Variants in SLC9C1 observed in about 807,000 individuals in gnomAD.
SLC9C1 encodes the protein solute carrier family 9 member C1, also known as sodium/hydrogen exchanger 10.
SLC9C1 carries 97 observed loss-of-function variants against 140.9 expected under a neutral mutation model. The ratio of observed to expected loss-of-function variants is 0.69; its 90% confidence interval spans 0.58 to 0.82. SLC9C1 has a LOEUF of 0.82. Ranked by LOEUF, SLC9C1 falls within the 40% of genes least tolerant of loss-of-function variation. SLC9C1 has a pLI of 0.00. For missense variants in SLC9C1, 1,340 were observed against 1,389.3 expected, an observed-to-expected ratio of 0.96 and a Z score of 0.56; for synonymous variants, 440 against 442.6, an observed-to-expected ratio of 0.99 and a Z score of 0.07.
Position 112,278,803 on chromosome 3 carries a change from T to C in SLC9C1, c.244A>G (p.Ile82Val), listed in dbSNP as rs745711101. 1.9e-6 allele frequency: 3 copies of C among 1,611,098 alleles called. No individual in the cohort carries two copies. The highest frequency in any genetic ancestry group is 1.3e-5 in the African/African-American group (1 of 74,842). The change falls in exon 4 of 29, where the codon ATA (isoleucine) becomes GTA (valine). Residue 82 changes from isoleucine to valine, a missense_variant. By Grantham distance (29) the Ile-to-Val change is conservative. Transcript: ENST00000305815. ...QWMSPDLFFR[I>V]FTPVVFFTTA... Reference sequence around the variant, plus strand: ...GTAAAGAAAACTACTGGTGTAAATATACGAAAAAATAAGTCTGGACTCATC... The same window carrying C: ...GTAAAGAAAACTACTGGTGTAAATACACGAAAAAATAAGTCTGGACTCATC...
chr3:112,263,207 A>G, intron 9 of SLC9C1, 109 bp from the exon 10 acceptor site: 1 of 887,212 alleles, frequency 1.1e-6, no homozygotes, highest in Admixed American at 3.3e-5. Flanking sequence ...CTCTCAAACA[A>G]ATGAGACATC....
chr3:112,278,215 G>C (rs1319398139), intron 4 of SLC9C1, among the ~76,000 whole-genome samples: 1 of 152,122 alleles, frequency 6.6e-6, no homozygotes, highest in African/African-American at 2.4e-5. Flanking sequence ...TGAAAGAAAC[G>C]TACACCCTAC....
chr3:112,207,809 A>T (rs895102800), intron 16 of SLC9C1, among the ~76,000 whole-genome samples: 1 of 152,084 alleles, frequency 6.6e-6, no homozygotes, highest in African/African-American at 2.4e-5. Flanking sequence ...TACTCTGTGT[A>T]TTCCTCTATC....
intron 3 of SLC9C1, among the ~76,000 whole-genome samples, chr3:112,279,190 C>A (rs1346173398): frequency 6.6e-6 from 1 of 152,170 alleles, no homozygotes; most frequent in Non-Finnish European, 1.5e-5. Context: ...TAGGGAAACA[C>A]TGAGTACCTA....
At chr3:112,178,483 A>G (rs902613284) in intron 23 of SLC9C1, among the ~76,000 whole-genome samples, 15 of 152,176 alleles carry the variant, frequency 9.9e-5, no homozygotes, top group African/African-American at 3.6e-4. Flanking sequence ...ATTTGTCTAC[A>G]GACTCTTCCA....
intron 13 of SLC9C1, among the ~76,000 whole-genome samples, chr3:112,230,847 G>A (rs2078802181): frequency 6.6e-6 from 1 of 152,152 alleles, no homozygotes; most frequent in African/African-American, 2.4e-5. Context: ...CTGTGCTACA[G>A]CATTTCTCTA....
At chr3:112,181,493 A>T (rs2077438042) in intron 21 of SLC9C1, among the ~76,000 whole-genome samples, 1 of 152,238 alleles carries the variant, frequency 6.6e-6, no homozygotes, top group African/African-American at 2.4e-5. Context: ...TGCTCATTCC[A>T]CAAGCACTTA....
At chr3:112,227,150 C>T (rs75955847) in intron 13 of SLC9C1, among the ~76,000 whole-genome samples, 2 of 151,952 alleles carry the variant, frequency 1.3e-5, no homozygotes, top group African/African-American at 4.8e-5. Flanking sequence ...TCCGAATAGA[C>T]CAATGAAGAC....
intron 26 of SLC9C1, among the ~76,000 whole-genome samples, chr3:112,164,909 C>T (rs896530290): frequency 6.6e-6 from 1 of 151,190 alleles, no homozygotes; most frequent in Non-Finnish European, 1.5e-5. Flanking sequence ...TCAGGTACAC[C>T]AATCAGACGT....
chr3:112,181,036 G>A (rs777447932), intron 21 of SLC9C1, among the ~76,000 whole-genome samples: 4 of 152,130 alleles, frequency 2.6e-5, no homozygotes, highest in African/African-American at 9.7e-5. Flanking sequence ...GATTACAGGC[G>A]TGAGCCACCA....
At chr3:112,228,727 A>G (rs1055148724) in intron 13 of SLC9C1, among the ~76,000 whole-genome samples, 6 of 152,126 alleles carry the variant, frequency 3.9e-5, no homozygotes, top group African/African-American at 1.4e-4. Flanking sequence ...AAAATGAGCA[A>G]AGGATCTGAA....
chr3:112,157,300 G>A (rs1218679742), intron 26 of SLC9C1, among the ~76,000 whole-genome samples: 1 of 151,804 alleles, frequency 6.6e-6, no homozygotes, highest in Non-Finnish European at 1.5e-5. Context: ...GTATGTTCTT[G>A]GTGCTTTTGT....
intron 20 of SLC9C1, chr3:112,186,094 C>G: frequency 1.1e-6 from 1 of 885,658 alleles, no homozygotes. Flanking sequence ...AATGAACTTT[C>G]TGTCTTGTTC....
intron 28 of SLC9C1, among the ~76,000 whole-genome samples, chr3:112,141,624 C>T (rs910255634): frequency 6.6e-6 from 1 of 152,136 alleles, no homozygotes; most frequent in Non-Finnish European, 1.5e-5. Context: ...TCAGTTCTGA[C>T]TATAAAAACC....
At chr3:112,270,137 A>T (rs2080032099) in intron 6 of SLC9C1, 60 bp from the exon 7 acceptor site, 2 of 1,418,266 alleles carry the variant, frequency 1.4e-6, no homozygotes, top group African/African-American at 1.5e-5. Flanking sequence ...ATTTTAATTG[A>T]TATTCCTTGT....
chr3:112,202,448 TATG>T (rs760031916), intron 17 of SLC9C1, 49 bp from the exon 18 acceptor site: 1 of 1,514,978 alleles, frequency 6.6e-7, no homozygotes, highest in Non-Finnish European at 8.9e-7. Flanking sequence ...AATATCATTT[TATG>T]ATATGTTGAT....
At chr3:112,229,470 AAAC>A (rs1453058402) in intron 13 of SLC9C1, among the ~76,000 whole-genome samples, 4 of 152,146 alleles carry the variant, frequency 2.6e-5, no homozygotes, top group African/African-American at 9.7e-5. Context: ...ATGTCAATTA[AAAC>A]AACAGCAATA....
chr3:112,254,838 C>T (rs13320785), intron 10 of SLC9C1, among the ~76,000 whole-genome samples: 1,553 of 152,088 alleles, frequency 0.01, 27 homozygotes, highest in African/African-American at 0.035. Flanking sequence ...GTGCTGTCTT[C>T]GAGAGACCCC....
At chr3:112,208,498 C>T in intron 15 of SLC9C1, 125 bp from the exon 16 acceptor site, 1 of 566,670 alleles carries the variant, frequency 1.8e-6, no homozygotes, top group Non-Finnish European at 2.8e-6. Context: ...AAAGCAGCCA[C>T]CACTAGCTAA....
Sources: allele counts gnomAD v4.1 joint callset (sites outside exome capture counted in the v4.1 genomes callset), GRCh38; gene constraint gnomAD v4.1.1; transcripts MANE v1.5; gene names NCBI Gene and HGNC (gene_info 2026-07-23, HGNC 2026-07-21).